GRIA2: variants seen among roughly 807,000 people sequenced by gnomAD.
GRIA2 encodes the protein glutamate receptor 2.
GRIA2 carries 14 observed loss-of-function variants against 97.3 expected under a neutral mutation model. The ratio of observed to expected loss-of-function variants is 0.14; its 90% confidence interval spans 0.10 to 0.23. GRIA2 has a LOEUF of 0.23. Ranked by LOEUF, GRIA2 falls within the 10% of genes least tolerant of loss-of-function variation. GRIA2 has a pLI of 1.00. For missense variants in GRIA2, 558 were observed against 1,069.8 expected, an observed-to-expected ratio of 0.52 and a Z score of 6.67; for synonymous variants, 412 against 387.8, an observed-to-expected ratio of 1.06 and a Z score of -0.73.
upstream of GRIA2, chr4:157,220,667 T>A: frequency 3.9e-6 from 1 of 257,858 alleles, no homozygotes; most frequent in South Asian, 5.4e-5. Flanking sequence ...TGTGTGTGTG[T>A]GTGTGTGCGC....
chr4:157,272,177 A>G (rs1046511876), intron 2 of GRIA2, among the ~76,000 whole-genome samples: 1 of 152,084 alleles, frequency 6.6e-6, no homozygotes, highest in Non-Finnish European at 1.5e-5. Flanking sequence ...CAAATAAGGA[A>G]TCAGCATGGT....
intron 6 of GRIA2, among the ~76,000 whole-genome samples, chr4:157,323,896 T>C (rs926277144): frequency 1.3e-5 from 2 of 152,162 alleles, no homozygotes; most frequent in South Asian, 4.1e-4. Flanking sequence ...TGGTGGCTTC[T>C]GCCCATTTTC....
chr4:157,253,907 G>A (rs1172544158), intron 2 of GRIA2, among the ~76,000 whole-genome samples: 2 of 152,106 alleles, frequency 1.3e-5, no homozygotes, highest in East Asian at 3.9e-4. Flanking sequence ...AGAGAAAAAG[G>A]TTCTTGTAAA....
intron 2 of GRIA2, among the ~76,000 whole-genome samples, chr4:157,253,604 A>G (rs1295085370): frequency 6.6e-6 from 1 of 152,118 alleles, no homozygotes; most frequent in Non-Finnish European, 1.5e-5. Context: ...TTGAAAGCAG[A>G]ATAGAATACT....
intron 6 of GRIA2, among the ~76,000 whole-genome samples, chr4:157,328,298 A>T (rs778023518): frequency 9.2e-5 from 14 of 152,050 alleles, no homozygotes; most frequent in Non-Finnish European, 1.9e-4. Context: ...TGATTATGTG[A>T]AGTGCTAACT....
chr4:157,279,496 A>G (rs1405610144), intron 2 of GRIA2, among the ~76,000 whole-genome samples: 1 of 152,094 alleles, frequency 6.6e-6, no homozygotes, highest in Non-Finnish European at 1.5e-5. Flanking sequence ...GGGTGATATT[A>G]TGTTTCAATG....
At chr4:157,297,567 G>A (rs2086949490) in intron 2 of GRIA2, among the ~76,000 whole-genome samples, 1 of 152,056 alleles carries the variant, frequency 6.6e-6, no homozygotes, top group South Asian at 2.1e-4. Flanking sequence ...GACTAGTAGA[G>A]TAACTTGCCC....
chr4:157,308,693 T>A (rs1030351152), intron 3 of GRIA2, among the ~76,000 whole-genome samples: 26 of 152,212 alleles, frequency 1.7e-4, no homozygotes, highest in African/African-American at 6.3e-4. Flanking sequence ...TCCCATTGTC[T>A]ATACAACTTT....
At chr4:157,298,158 T>A (rs900473927) in intron 2 of GRIA2, among the ~76,000 whole-genome samples, 1 of 151,500 alleles carries the variant, frequency 6.6e-6, no homozygotes, top group Admixed American at 6.6e-5. Context: ...AGAGAAGAGG[T>A]GGGTCACATG....
chr4:157,314,458 C>T (rs1734222661), intron 4 of GRIA2, among the ~76,000 whole-genome samples: 1 of 152,086 alleles, frequency 6.6e-6, no homozygotes, highest in South Asian at 2.1e-4. Context: ...AGTAGAAAAT[C>T]TTGATTCTAG....
chr4:157,248,808 ATATAT>A (rs1273109987), intron 2 of GRIA2, among the ~76,000 whole-genome samples: 9 of 132,188 alleles, frequency 6.8e-5, no homozygotes, highest in East Asian at 2.2e-4. Context: ...ATATATATAT[ATATAT>A]AAATAAAATA....
intron 14 of GRIA2, chr4:157,362,302 T>A: frequency 2.3e-6 from 1 of 442,410 alleles, no homozygotes. Context: ...ATCTTAGTAC[T>A]TTGAGGGATT....
In GRIA2 at chr4:157,303,802, G is replaced by A. The variant is rs757447111; in HGVS notation, c.469+11G>A. The A allele has an allele frequency of 1.2e-6, 2 of 1,612,496 alleles. No homozygotes were observed. Among genetic ancestry groups the A allele is most frequent in the Admixed American group, 3.3e-5 (2 of 59,998 alleles). On this transcript the variant is annotated intron_variant, in intron 3 of 15. Coordinates refer to ENST00000264426, the MANE Select transcript of GRIA2 (RefSeq NM_001083619.3). ...ATGACAGTGACAGAGGTAAGTGACA[G>A]TATCTCATCTCTTTGTAATGGGGCG...
chr4:157,331,961 C>T (rs1457940862), intron 6 of GRIA2, among the ~76,000 whole-genome samples: 2 of 151,998 alleles, frequency 1.3e-5, no homozygotes, highest in Non-Finnish European at 1.5e-5. Flanking sequence ...CCAAGCTTCG[C>T]CGTACTCTTA....
At position 157,360,038 on chromosome 4, in the gene GRIA2, T is replaced by C; in HGVS notation, c.2186T>C (p.Met729Thr). 4 of 1,613,908 alleles carry C rather than the reference T, an allele frequency of 2.5e-6. No individual in the cohort carries two copies. Among genetic ancestry groups the C allele is most frequent in the Non-Finnish European group, 3.4e-6 (4 of 1,179,852 alleles). Reference protein sequence around the residue: ...GKYAYLLESTMNEYIEQRKPC... With the variant: ...GKYAYLLESTTNEYIEQRKPC... ...TATGCCTACTTGTTGGAGTCCACGA[T>C]GAACGAGTACATTGAGCAAAGGAAG... Residue 729 changes from methionine to threonine, a missense_variant, in exon 13 of 16, where the codon ATG (methionine) becomes ACG (threonine). Met to Thr is a moderately conservative substitution (Grantham distance 81). This residue lies in a region of GRIA2 where 125 missense variants were observed against 310.2 expected (regional missense o/e 0.40). Coordinates refer to ENST00000264426, the MANE Select transcript of GRIA2 (RefSeq NM_001083619.3).
intron 14 of GRIA2, among the ~76,000 whole-genome samples, chr4:157,362,038 A>G (rs1289871762): frequency 1.3e-5 from 2 of 152,108 alleles, no homozygotes; most frequent in African/African-American, 2.4e-5. Context: ...TGCAGCATCT[A>G]TAGTATCACT....
At position 157,334,113 on chromosome 4, in the gene GRIA2, C is replaced by T; in HGVS notation, c.1259C>T (p.Thr420Ile). Reference sequence around the variant, plus strand: ...GAGAATAAGACTGTTGTTGTCACCACAATTTTGGTAATTTGCTACATATGC... The same window carrying T: ...GAGAATAAGACTGTTGTTGTCACCATAATTTTGGTAATTTGCTACATATGC... ...GLENKTVVVT[T>I]ILESPYVMMK... The change falls in exon 9 of 16, where the codon ACA (threonine) becomes ATA (isoleucine). Residue 420 changes from threonine (T) to isoleucine (I), a missense_variant. Thr to Ile is a moderately conservative substitution (Grantham distance 89, BLOSUM62 -1). Transcript: ENST00000264426. The T allele has an allele frequency of 6.4e-7, 1 of 1,565,014 alleles. No individual in the cohort carries two copies. The highest frequency in any genetic ancestry group is 8.8e-7 in the Non-Finnish European group (1 of 1,135,856).
intron 2 of GRIA2, among the ~76,000 whole-genome samples, chr4:157,298,764 T>C (rs1266148392): frequency 6.6e-6 from 1 of 151,976 alleles, no homozygotes; most frequent in Non-Finnish European, 1.5e-5. Flanking sequence ...TCATCCTCTT[T>C]GTTGTGCATT....
At chr4:157,310,231 G>C (rs956633635) in intron 3 of GRIA2, among the ~76,000 whole-genome samples, 1 of 152,078 alleles carries the variant, frequency 6.6e-6, no homozygotes, top group Non-Finnish European at 1.5e-5. Context: ...ATCTGTCACT[G>C]AAAGTTTCAA....
Sources: gnomAD v4.1 joint callset for allele counts (sites outside exome capture counted in the v4.1 genomes callset) on GRCh38, gnomAD v4.1.1 for gene constraint, gnomAD v4.1.1 regional missense constraint, MANE v1.5 for transcripts, NCBI Gene and HGNC (gene_info 2026-07-23, HGNC 2026-07-21) for gene names.